TMEM70: variants seen among roughly 807,000 people sequenced by gnomAD.
The protein encoded by TMEM70 is transmembrane protein 70, mitochondrial.
Under a neutral mutation model 20.5 loss-of-function variants are expected in TMEM70, and 15 were observed. The ratio of observed to expected loss-of-function variants is 0.73; its 90% confidence interval spans 0.49 to 1.13. The LOEUF (loss-of-function observed/expected upper bound fraction) is 1.13. Ranked by LOEUF, TMEM70 falls within the 50% of genes most tolerant of loss-of-function variation. The pLI, the probability that TMEM70 is intolerant of heterozygous loss-of-function variation, is 0.00. For missense variants in TMEM70, 344 were observed against 331.7 expected (o/e 1.04, Z -0.29); for synonymous variants, 141 against 134.2 (o/e 1.05, Z -0.35).
chr8:73,977,427 ATCC>A, intron 1 of TMEM70, among the ~76,000 whole-genome samples: 1 of 152,008 alleles, frequency 6.6e-6, no homozygotes, highest in East Asian at 1.9e-4. Flanking sequence ...ACCTCAAATC[ATCC>A]TCCTGCCTCG....
chr8:73,976,617 C>T, intron 1 of TMEM70, 126 bp downstream of exon 1: 1 of 1,005,394 alleles, frequency 9.9e-7, no homozygotes, highest in East Asian at 2.8e-5. Flanking sequence ...CGGGAGGAGC[C>T]CCCTCTGCGG....
Position 73,982,362 on chromosome 8 carries a change from T to C in TMEM70, c.*741T>C, listed in dbSNP as rs1194554813. The C allele has an allele frequency of 2.8e-6, 2 of 717,230 alleles. No individual in the cohort carries two copies. Among genetic ancestry groups the C allele is most frequent in the African/African-American group, 3.4e-5 (2 of 58,314 alleles). The allele number at this position is 717,230 out of a possible 1,614,324, so 44.4% of individuals were successfully genotyped here. On this transcript the variant is annotated 3_prime_UTR_variant, in exon 3 of 3. Coordinates refer to ENST00000312184, the MANE Select transcript of TMEM70 (RefSeq NM_017866.6). ...TCTAAGGCATGGGATCGTTTCCAGA[T>C]GAGAATCCACAAGCGACTCATTGAC...
intron 1 of TMEM70, 61 bp from the exon 2 acceptor site, chr8:73,978,692 CAAA>C (rs112765233): frequency 3.2e-5 from 42 of 1,321,368 alleles, no homozygotes; most frequent in Non-Finnish European, 4.3e-5. Flanking sequence ...GACTCTGTCT[CAAA>C]AAAAAAAACT....
Position 73,978,929 on chromosome 8 carries a change from A to G in TMEM70, c.316+68A>G, listed in dbSNP as rs75674446. 0.14 allele frequency: 215,073 copies of G among 1,571,856 alleles called. 16,622 individuals are homozygous for G. Among genetic ancestry groups the G allele is most frequent in the African/African-American group, 0.29 (21,649 of 73,398 alleles). ...TTTTAATTGTAAAAATATCCTTACCATATCTTACTTGTTGTTATGGCATCC... is the reference window on the plus strand; with the variant it reads ...TTTTAATTGTAAAAATATCCTTACCGTATCTTACTTGTTGTTATGGCATCC... On this transcript the variant is annotated intron_variant, in intron 2 of 2. Coordinates refer to ENST00000312184, the MANE Select transcript of TMEM70 (RefSeq NM_017866.6).
At chr8:73,977,753 G>A (rs1461720378) in intron 1 of TMEM70, among the ~76,000 whole-genome samples, 1 of 152,118 alleles carries the variant, frequency 6.6e-6, no homozygotes, top group Non-Finnish European at 1.5e-5. Context: ...ATCCACCTCA[G>A]CCTCCCCAGT....
In TMEM70 at chr8:73,981,942, T is replaced by C. The variant is rs1250443523; in HGVS notation, c.*321T>C. ...TGGGAGAGTTGCTTTATTCTTTGTG[T>C]ATGGATTTTTCTAAGTGTATAAATA... On this transcript the variant is annotated 3_prime_UTR_variant, in exon 3 of 3. Transcript: ENST00000312184. 2.0e-6 allele frequency: 1 copy of C among 498,966 alleles called. No individual in the cohort carries two copies. The highest frequency in any genetic ancestry group is 2.3e-5 in the Admixed American group (1 of 43,884). 30.9% of individuals were successfully genotyped at this position (498,966 alleles called of 1,614,324 possible).
In TMEM70 at chr8:73,981,267, A is replaced by T. The variant is rs747164810; in HGVS notation, c.429A>T (p.Ile143=). 5.0e-6 allele frequency: 8 copies of T among 1,613,936 alleles called. No individual in the cohort carries two copies. In the African/African-American group the frequency reaches 9.3e-5, roughly 19 times the overall value. The stretch of plus-strand genomic sequence containing the variant: ...GTGTGCCTCTGCCTATTCAAATCAT[A>T]TTCTATGGCATCATGGGAAGCTTTA... ...SESVPLPIQI[I]FYGIMGSFTV... Residue 143 remains isoleucine, a synonymous_variant, in exon 3 of 3, where the codon ATA becomes ATT. Transcript: ENST00000312184.
At position 73,982,170 on chromosome 8, in the gene TMEM70, G is replaced by A. The variant is rs1815823568; in HGVS notation, c.*549G>A. ...AAAAACACCCGTGGAGTCAGAGGTGGCAATTCACCGAATTCATATCACTCT... is the reference window on the plus strand; with the variant it reads ...AAAAACACCCGTGGAGTCAGAGGTGACAATTCACCGAATTCATATCACTCT... On this transcript the variant is annotated 3_prime_UTR_variant, in exon 3 of 3. Coordinates refer to ENST00000312184, the MANE Select transcript of TMEM70 (RefSeq NM_017866.6). 2 of 540,736 alleles carry A rather than the reference G, an allele frequency of 3.7e-6. No homozygotes were observed. The highest frequency in any genetic ancestry group is 7.3e-6 in the Non-Finnish European group (2 of 274,300). 33.5% of individuals were successfully genotyped at this position (540,736 alleles called of 1,614,324 possible).
chr8:73,982,419 C>A lies in TMEM70; in HGVS notation c.*798C>A. ...AGTCCTCAGATAGTTAAGCAGATTA[C>A]TTCCATCAGTATTGAGCCAGGAGTT... On this transcript the variant is annotated 3_prime_UTR_variant, in exon 3 of 3. Transcript: ENST00000312184. 1.2e-6 allele frequency: 1 copy of A among 803,546 alleles called. No individual in the cohort carries two copies. The highest frequency in any genetic ancestry group is 2.1e-6 in the Non-Finnish European group (1 of 476,292). 49.8% of individuals were successfully genotyped at this position (803,546 alleles called of 1,614,324 possible).
chr8:73,978,639 G>A (rs1815711753), intron 1 of TMEM70, 117 bp from the exon 2 acceptor site: 13 of 1,033,450 alleles, frequency 1.3e-5, no homozygotes, highest in Non-Finnish European at 1.9e-5. Flanking sequence ...GCAATGGTGA[G>A]CTGAGATCGC....
In TMEM70 at chr8:73,981,372, T is replaced by C. The variant is rs139864454; in HGVS notation, c.534T>C (p.Thr178=). 1,125 of 1,614,216 alleles carry C rather than the reference T, an allele frequency of 7.0e-4. 8 individuals are homozygous for C. The highest frequency in any genetic ancestry group is 6.9e-4 in the South Asian group (63 of 91,086). Residue 178 remains threonine (T), a synonymous_variant, in exon 3 of 3, where the codon ACT becomes ACC. Coordinates refer to ENST00000312184, the MANE Select transcript of TMEM70 (RefSeq NM_017866.6). ...TGTACCATGAGGCCACAACAGACAC[T>C]TATAAAGCCATTACCTACAATGCTA... ...IRLYHEATTD[T]YKAITYNAML...
rs1213083414 is a variant in TMEM70, at chr8:73,981,365, C to T, written c.527C>T (p.Thr176Ile). ...YVIRLYHEAT[T>I]DTYKAITYNA... ...ATTCGATTGTACCATGAGGCCACAA[C>T]AGACACTTATAAAGCCATTACCTAC... Residue 176 changes from threonine (T) to isoleucine (I), a missense_variant, in exon 3 of 3, where the codon ACA becomes ATA. Thr to Ile is a moderately conservative substitution (Grantham distance 89). Transcript: ENST00000312184. 4 of 1,614,080 alleles carry T rather than the reference C, an allele frequency of 2.5e-6. No individual in the cohort carries two copies. The Admixed American group carries it at 5.0e-5, about 20-fold the overall frequency.
intron 2 of TMEM70, chr8:73,979,179 C>T: frequency 4.6e-6 from 2 of 430,644 alleles, no homozygotes; most frequent in Admixed American, 3.0e-5. Context: ...CAGGTATGCA[C>T]CACCACACTT....
intron 2 of TMEM70, among the ~76,000 whole-genome samples, chr8:73,980,410 C>T (rs1275869201): frequency 6.6e-6 from 1 of 151,918 alleles, no homozygotes; most frequent in Non-Finnish European, 1.5e-5. Flanking sequence ...GCTTTGTCTC[C>T]CAAGCTGGAG....
In TMEM70 at chr8:73,981,489, A is replaced by G; in HGVS notation, c.651A>G (p.Lys217=). Reference sequence around the variant, plus strand: ...TTACCACATTTTATGCTAAAACAAAATCACTGTTAGTTAATCCAGTGCTCT... The same window carrying G: ...TTACCACATTTTATGCTAAAACAAAGTCACTGTTAGTTAATCCAGTGCTCT... ...HVFTTFYAKT[K]SLLVNPVLFP... is the part of the protein sequence containing the mutation. Residue 217 remains lysine, a synonymous_variant, in exon 3 of 3, where the codon AAA becomes AAG. Coordinates refer to ENST00000312184, the MANE Select transcript of TMEM70 (RefSeq NM_017866.6). 1.2e-6 allele frequency: 2 copies of G among 1,614,074 alleles called. No homozygotes were observed. The highest frequency in any genetic ancestry group is 1.7e-6 in the Non-Finnish European group (2 of 1,179,952).
At position 73,976,304 on chromosome 8, in the gene TMEM70, G is replaced by C. The variant is rs1229527125; in HGVS notation, c.23G>C (p.Ser8Thr). 1.2e-6 allele frequency: 2 copies of C among 1,600,902 alleles called. No individual in the cohort carries two copies. Among genetic ancestry groups the C allele is most frequent in the East Asian group, 2.2e-5 (1 of 44,852 alleles). The stretch of plus-strand genomic sequence containing the variant: ...GTGATGCTGTTTCTGGCGTTGGGCA[G>C]CCCGTGGGCGGTCGAACTGCCTCTC... MLFLALGSPWAVELPLCG... is the reference protein window; with the variant it reads MLFLALGTPWAVELPLCG... The change falls in exon 1 of 3, where the codon AGC (serine) becomes ACC (threonine). Residue 8 changes from serine (S) to threonine (T), a missense_variant. Ser to Thr is a moderately conservative substitution (Grantham distance 58). Transcript: ENST00000312184.
Position 73,981,278 on chromosome 8 carries a change from T to C in TMEM70, c.440T>C (p.Ile147Thr), listed in dbSNP as rs201306262. 26 of 1,614,212 alleles carry C rather than the reference T, an allele frequency of 1.6e-5. No individual in the cohort carries two copies. The East Asian group carries it at 5.8e-4, about 36-fold the overall frequency. ...CCTATTCAAATCATATTCTATGGCA[T>C]CATGGGAAGCTTTACGGTGATCACC... ...PLPIQIIFYGIMGSFTVITPV... is the reference protein window; with the variant it reads ...PLPIQIIFYGTMGSFTVITPV... The change falls in exon 3 of 3, where the codon ATC becomes ACC. Residue 147 changes from isoleucine (I) to threonine (T), a missense_variant. Coordinates refer to ENST00000312184, the MANE Select transcript of TMEM70 (RefSeq NM_017866.6).
intron 2 of TMEM70, among the ~76,000 whole-genome samples, chr8:73,980,588 G>A (rs951727137): frequency 6.6e-6 from 1 of 151,882 alleles, no homozygotes; most frequent in Non-Finnish European, 1.5e-5. Context: ...GGCTGGTCTC[G>A]AACTCCTAAC....
At chr8:73,978,734 A>G (rs766567855) in intron 1 of TMEM70, 22 bp from the exon 2 acceptor site, 11 of 1,613,390 alleles carry the variant, frequency 6.8e-6, no homozygotes, top group Middle Eastern at 1.6e-4. Context: ...TTAGTTGACC[A>G]TAATGATCCC....
Sources: allele counts gnomAD v4.1 joint callset (sites outside exome capture counted in the v4.1 genomes callset), GRCh38; gene constraint gnomAD v4.1.1; transcripts MANE v1.5; gene names NCBI Gene and HGNC (gene_info 2026-07-23, HGNC 2026-07-21).